PCDHA9: variants seen among roughly 807,000 people sequenced by gnomAD.
PCDHA9 encodes protocadherin alpha 9, also known as protocadherin alpha-9.
Under a neutral mutation model 62.0 loss-of-function variants are expected in PCDHA9, and 62 were observed. The ratio of observed to expected loss-of-function variants is 1.00; its 90% CI spans 0.81 to 1.23. The LOEUF (loss-of-function observed/expected upper bound fraction) is 1.23. PCDHA9 is among the 50% of genes most tolerant of loss of function. PCDHA9 has a pLI of 0.00. For synonymous variants in PCDHA9, 557 were observed against 567.6 expected (o/e 0.98, Z 0.27); for missense variants, 1,205 against 1,249.8 (o/e 0.96, Z 0.54).
chr5:141,002,973 G>A (rs1313247449), intron 3 of PCDHA9, among the ~76,000 whole-genome samples: 2 of 152,216 alleles, frequency 1.3e-5, no homozygotes, highest in African/African-American at 2.4e-5. Flanking sequence ...CCTGAAAATA[G>A]TATCCTTGGT....
At chr5:140,869,733 G>A (rs2051364392) in intron 1 of PCDHA9, 1 of 1,613,178 alleles carries the variant, frequency 6.2e-7, no homozygotes, top group Non-Finnish European at 8.5e-7. Context: ...AACTTAATTT[G>A]CTGCTAACAG....
At chr5:140,941,255 C>CTTTCTCTT (rs782490896) in intron 1 of PCDHA9, among the ~76,000 whole-genome samples, 24 of 44,510 alleles carry the variant, frequency 5.4e-4, no homozygotes, top group African/African-American at 1.5e-3. Flanking sequence ...TTCTTTCTTT[C>CTTTCTCTT]TCTTTCTTTC....
intron 1 of PCDHA9, among the ~76,000 whole-genome samples, chr5:140,938,314 T>C (rs1026606524): frequency 2.0e-5 from 3 of 152,220 alleles, no homozygotes; most frequent in Non-Finnish European, 2.9e-5. Flanking sequence ...AGTATAAAAT[T>C]GAATAGAAGT....
At chr5:140,911,339 A>G (rs2075428336) in intron 1 of PCDHA9, among the ~76,000 whole-genome samples, 1 of 152,042 alleles carries the variant, frequency 6.6e-6, no homozygotes, top group Non-Finnish European at 1.5e-5. Flanking sequence ...TTTCCAATCA[A>G]TGCCCTCATT....
At chr5:140,880,693 T>C (rs2058435381) in intron 1 of PCDHA9, among the ~76,000 whole-genome samples, 1 of 152,222 alleles carries the variant, frequency 6.6e-6, no homozygotes. Context: ...TAGTCATGGT[T>C]AAGTGACAAT....
Position 140,849,988 on chromosome 5 carries a change from G to A in PCDHA9, c.1493G>A (p.Arg498Gln), listed in dbSNP as rs2150461736. Residue 498 changes from arginine to glutamine, a missense_variant, in exon 1 of 4, where the codon CGG becomes CAG. Physicochemically the swap from Arg to Gln is conservative, Grantham distance 43. This residue lies in a region of PCDHA9 where 887 missense variants were observed against 809.5 expected (regional missense o/e 1.10). Coordinates refer to ENST00000532602, the MANE Select transcript of PCDHA9 (RefSeq NM_031857.2). ...ALVSYSLVER[R>Q]LGERSLSSYV... ...GTGTCCTACTCGCTGGTGGAGCGGC[G>A]GTTGGGCGAGCGCTCGCTGTCGAGC... 1.8e-5 allele frequency: 29 copies of A among 1,597,364 alleles called. No homozygotes were observed. Among genetic ancestry groups the A allele is most frequent in the African/African-American group, 4.0e-5 (3 of 74,530 alleles).
intron 1 of PCDHA9, among the ~76,000 whole-genome samples, chr5:140,972,762 A>G (rs1048509158): frequency 4.7e-5 from 7 of 150,026 alleles, no homozygotes; most frequent in African/African-American, 1.7e-4. Context: ...CTCCCAAGTT[A>G]AAGTGATTCT....
At chr5:141,001,122 TAAAC>T (rs1274933487) in intron 3 of PCDHA9, among the ~76,000 whole-genome samples, 1 of 152,154 alleles carries the variant, frequency 6.6e-6, no homozygotes, top group African/African-American at 2.4e-5. Flanking sequence ...CAATAGTCCT[TAAAC>T]AAATGAATCT....
chr5:140,971,182 G>A (rs1158073557), intron 1 of PCDHA9, among the ~76,000 whole-genome samples: 7 of 152,110 alleles, frequency 4.6e-5, no homozygotes, highest in Admixed American at 1.3e-4. Flanking sequence ...GCTGTAAGCC[G>A]GAAGCTCAGA....
At position 140,849,696 on chromosome 5, in the gene PCDHA9, T is replaced by C. The variant is rs2150445431; in HGVS notation, c.1201T>C (p.Tyr401His). The change falls in exon 1 of 4, where the codon TAC becomes CAC. Residue 401 changes from tyrosine to histidine, a missense_variant. Transcript: ENST00000532602. Reference sequence around the variant, plus strand: ...CGTCCCCTTCAAGCTGGTGTCCACCTACAAGAATTACTACTCGTTGGTGCT... The same window carrying C: ...CGTCCCCTTCAAGCTGGTGTCCACCCACAAGAATTACTACTCGTTGGTGCT... ...PHVPFKLVST[Y>H]KNYYSLVLDR... 1 of 1,598,686 alleles carries C rather than the reference T, an allele frequency of 6.3e-7. No individual in the cohort carries two copies. Among genetic ancestry groups the C allele is most frequent in the South Asian group, 1.1e-5 (1 of 90,542 alleles).
intron 1 of PCDHA9, chr5:140,882,150 C>T: frequency 1.3e-6 from 2 of 1,501,768 alleles, no homozygotes; most frequent in Non-Finnish European, 1.8e-6. Context: ...TAGCAGAAAG[C>T]GGAATACCTC....
At position 140,961,643 on chromosome 5, in the gene PCDHA9, A is replaced by G. The variant is rs533824470; in HGVS notation, c.2395-17306A>G. Reference sequence around the variant, plus strand: ...CCATATGAAAAACAATCTTAAGTCTATGTGGTTAGTTTGAAGTTACCAGTT... The same window carrying G: ...CCATATGAAAAACAATCTTAAGTCTGTGTGGTTAGTTTGAAGTTACCAGTT... On this transcript the variant is annotated intron_variant, in intron 1 of 3. Coordinates refer to ENST00000532602, the MANE Select transcript of PCDHA9 (RefSeq NM_031857.2). Among the ~76,000 whole-genome samples the G allele has an allele frequency of 7.2e-5, 11 of 152,324 alleles. No homozygotes were observed. The East Asian group carries it at 1.9e-3, about 27-fold the overall frequency.
intron 1 of PCDHA9, among the ~76,000 whole-genome samples, chr5:140,947,710 A>G (rs2094165762): frequency 6.6e-6 from 1 of 151,556 alleles, no homozygotes; most frequent in African/African-American, 2.4e-5. Context: ...TTAAGTATTG[A>G]GGTTTCAAAA....
chr5:140,857,209 T>C (rs2044423092), intron 1 of PCDHA9: 1 of 1,598,580 alleles, frequency 6.3e-7, no homozygotes, highest in South Asian at 1.1e-5. Flanking sequence ...TCACCTGCTC[T>C]CTGACGCCTC....
intron 1 of PCDHA9, chr5:140,855,916 A>G (rs2043673154): frequency 8.4e-7 from 1 of 1,191,010 alleles, no homozygotes. Flanking sequence ...CTCAAGGACT[A>G]GGAAGTAGCG....
chr5:140,899,672 T>C (rs1280165974), intron 1 of PCDHA9, among the ~76,000 whole-genome samples: 1 of 152,218 alleles, frequency 6.6e-6, no homozygotes, highest in Non-Finnish European at 1.5e-5. Flanking sequence ...CCGGCTTTGG[T>C]ATCAGGATGA....
intron 1 of PCDHA9, among the ~76,000 whole-genome samples, chr5:140,948,945 A>C: frequency 6.6e-6 from 1 of 151,662 alleles, no homozygotes; most frequent in East Asian, 1.9e-4. Flanking sequence ...TCTAATATAA[A>C]AAAATTAAAG....
chr5:140,851,940 G>A (rs1431345124), intron 1 of PCDHA9: 2 of 966,626 alleles, frequency 2.1e-6, no homozygotes, highest in Non-Finnish European at 2.5e-6. Flanking sequence ...ATTGTAGTAT[G>A]TGACTTTCAA....
chr5:140,870,346 G>C (rs782365260), intron 1 of PCDHA9: 2 of 1,614,236 alleles, frequency 1.2e-6, no homozygotes, highest in Non-Finnish European at 1.7e-6. Context: ...CCTGGACCGC[G>C]AGAACGTGTG....
Sources: gnomAD v4.1 joint callset for allele counts (sites outside exome capture counted in the v4.1 genomes callset) on GRCh38, gnomAD v4.1.1 for gene constraint, gnomAD v4.1.1 regional missense constraint, MANE v1.5 for transcripts, NCBI Gene and HGNC (gene_info 2026-07-23, HGNC 2026-07-21) for gene names.